Variants in CAMK2D observed in about 807,000 individuals in gnomAD.
CAMK2D encodes the protein calcium/calmodulin-dependent protein kinase type II subunit delta.
A neutral mutation model predicts 84.0 loss-of-function variants in CAMK2D; 37 were observed. That is an observed-to-expected ratio of 0.44 (90% confidence interval 0.34 to 0.58). The LOEUF (loss-of-function observed/expected upper bound fraction) is 0.58, where lower values mean the gene tolerates loss of function less well. Ranked by LOEUF, CAMK2D falls within the 20% of genes least tolerant of loss-of-function variation. The pLI is 0.02. For missense variants in CAMK2D, 448 were observed against 652.5 expected (o/e 0.69, Z 3.41); for synonymous variants, 202 against 212.5 (o/e 0.95, Z 0.43).
intron 4 of CAMK2D, among the ~76,000 whole-genome samples, chr4:113,587,088 C>T (rs748899526): frequency 6.6e-6 from 1 of 152,104 alleles, no homozygotes; most frequent in African/African-American, 2.4e-5. Context: ...CAGTGTCAGG[C>T]AAATCTAAGT....
chr4:113,570,710 G>A (rs546238490), intron 4 of CAMK2D, among the ~76,000 whole-genome samples: 16 of 152,140 alleles, frequency 1.1e-4, no homozygotes, highest in Admixed American at 7.9e-4. Context: ...AAGAAAACAC[G>A]GGGAGAAAGC....
chr4:113,697,641 GAGA>G (rs1342361820), intron 2 of CAMK2D, among the ~76,000 whole-genome samples: 1 of 152,002 alleles, frequency 6.6e-6, no homozygotes, highest in Non-Finnish European at 1.5e-5. Flanking sequence ...TGGAAAATAT[GAGA>G]AGGAGTCTTT....
chr4:113,695,716 GCCT>G (rs981548702), intron 2 of CAMK2D, among the ~76,000 whole-genome samples: 57 of 152,136 alleles, frequency 3.7e-4, no homozygotes, highest in African/African-American at 1.0e-3. Context: ...CACTTCAATA[GCCT>G]CCTAATTTAT....
chr4:113,619,990 C>T lies in CAMK2D; in HGVS notation c.221-10784G>A, dbSNP rs536404284. 6.8e-4 allele frequency among the ~76,000 whole-genome samples: 103 copies of T among 152,070 alleles called. 2 individuals carry two copies. In the South Asian group the frequency reaches 0.02, roughly 30 times the overall value. On this transcript the variant is annotated intron_variant, in intron 3 of 20. Transcript: ENST00000511664. Reference sequence around the variant, plus strand: ...GATGGCAGAAGTGGAAAGGAGAGAACGTAGTAAGTCAGTTACTATATAATA... The same window carrying T: ...GATGGCAGAAGTGGAAAGGAGAGAATGTAGTAAGTCAGTTACTATATAATA...
intron 3 of CAMK2D, among the ~76,000 whole-genome samples, chr4:113,660,556 A>G (rs1453705904): frequency 1.3e-5 from 2 of 151,902 alleles, no homozygotes; most frequent in South Asian, 4.2e-4. Flanking sequence ...CATCCAGCTA[A>G]TTTTTTTAAT....
chr4:113,561,970 G>A (rs941279201), intron 4 of CAMK2D, among the ~76,000 whole-genome samples: 1 of 152,124 alleles, frequency 6.6e-6, no homozygotes, highest in African/African-American at 2.4e-5. Context: ...TATTGTATGT[G>A]TGCCTGCATA....
At chr4:113,603,592 A>G (rs2098963225) in intron 4 of CAMK2D, among the ~76,000 whole-genome samples, 1 of 150,978 alleles carries the variant, frequency 6.6e-6, no homozygotes, top group South Asian at 2.1e-4. Context: ...AGCCTTTCCC[A>G]TTCATTCCTG....
intron 4 of CAMK2D, among the ~76,000 whole-genome samples, chr4:113,557,774 A>G (rs1409881092): frequency 6.6e-6 from 1 of 152,104 alleles, no homozygotes; most frequent in Admixed American, 6.6e-5. Flanking sequence ...TAGCTCCCCA[A>G]AATTCCCCTG....
intron 2 of CAMK2D, among the ~76,000 whole-genome samples, chr4:113,694,828 C>T (rs971808887): frequency 1.3e-5 from 2 of 152,128 alleles, no homozygotes; most frequent in Non-Finnish European, 2.9e-5. Context: ...CTACGTGAGA[C>T]CAGGCTTTCT....
In CAMK2D at chr4:113,500,500, C is replaced by A. The variant is rs1305019887; in HGVS notation, c.1098G>T (p.Glu366Asp). The A allele has an allele frequency of 6.3e-7, 1 of 1,598,488 alleles. No homozygotes were observed. The highest frequency in any genetic ancestry group is 8.6e-7 in the Non-Finnish European group (1 of 1,168,822). Residue 366 changes from glutamate (E) to aspartate (D), a missense_variant, in exon 16 of 21, where the codon GAG (glutamate) becomes GAT (aspartate). Physicochemically the swap from Glu to Asp is conservative, Grantham distance 45 (BLOSUM62 2). Coordinates refer to ENST00000511664, the MANE Select transcript of CAMK2D (RefSeq NM_001321571.2). ...HNPDGNKEST[E>D]SSNTTIEDED... is the part of the protein sequence containing the mutation. ...CATCCTCAATTGTTGTATTTGAACT[C>A]TCAGTTGACTCCTGATGAGAAGAAA...
intron 2 of CAMK2D, among the ~76,000 whole-genome samples, chr4:113,682,131 A>G (rs1475544076): frequency 6.6e-6 from 1 of 152,186 alleles, no homozygotes; most frequent in Non-Finnish European, 1.5e-5. Flanking sequence ...AACTGCAAGA[A>G]TTAAATCAGA....
Position 113,693,789 on chromosome 4 carries a change from ATTGT to A in CAMK2D, c.161-32021_161-32018del, listed in dbSNP as rs548073497. On this transcript the variant is annotated intron_variant, in intron 2 of 20. Coordinates refer to ENST00000511664, the MANE Select transcript of CAMK2D (RefSeq NM_001321571.2). ...AATGCTTTCATTTGTCTAGATTAAAATTGTTTGGAGATTACTGAAAGGTAATTTT... is the reference window on the plus strand; with the variant it reads ...AATGCTTTCATTTGTCTAGATTAAAATTGGAGATTACTGAAAGGTAATTTT... Among the ~76,000 whole-genome samples, 80 of 152,298 alleles carry A rather than the reference ATTGT, an allele frequency of 5.3e-4. No homozygotes were observed. The South Asian group carries it at 0.013, about 24-fold the overall frequency.
intron 3 of CAMK2D, among the ~76,000 whole-genome samples, chr4:113,628,284 C>T (rs2099075866): frequency 6.6e-6 from 1 of 152,000 alleles, no homozygotes; most frequent in Non-Finnish European, 1.5e-5. Context: ...GCAAATTACA[C>T]TACAGTTTAT....
chr4:113,693,046 T>C (rs904174408), intron 2 of CAMK2D, among the ~76,000 whole-genome samples: 5 of 152,178 alleles, frequency 3.3e-5, no homozygotes, highest in Admixed American at 6.5e-5. Flanking sequence ...CTACAGGAGA[T>C]GTAAAAAATA....
At chr4:113,646,572 G>C (rs1259074503) in intron 3 of CAMK2D, among the ~76,000 whole-genome samples, 1 of 152,200 alleles carries the variant, frequency 6.6e-6, no homozygotes, top group Non-Finnish European at 1.5e-5. Context: ...ATGCCTCCTT[G>C]CTGTATCCTC....
chr4:113,738,893 T>C lies in CAMK2D; in HGVS notation c.160+20427A>G, dbSNP rs554067101. ...ATATTTACTAACTCACTTGGAAATA[T>C]ACATCAAATTTTAAATATATACAAA... On this transcript the variant is annotated intron_variant, in intron 2 of 20. Coordinates refer to ENST00000511664, the MANE Select transcript of CAMK2D (RefSeq NM_001321571.2). Among the ~76,000 whole-genome samples, 108 of 152,220 alleles carry C rather than the reference T, an allele frequency of 7.1e-4. 3 individuals carry two copies. The highest frequency in any genetic ancestry group is 6.3e-4 in the Non-Finnish European group (43 of 67,966).
At chr4:113,713,496 GATAACAATATTATATATAGT>G (rs1417069074) in intron 2 of CAMK2D, among the ~76,000 whole-genome samples, 2 of 147,876 alleles carry the variant, frequency 1.4e-5, no homozygotes, top group Non-Finnish European at 1.5e-5. Flanking sequence ...TATATAATAT[GATAACAATATTATATATAGT>G]ATAACAATAT....
At chr4:113,516,474 G>A (rs1172775276) in intron 9 of CAMK2D, among the ~76,000 whole-genome samples, 1 of 152,162 alleles carries the variant, frequency 6.6e-6, no homozygotes, top group East Asian at 1.9e-4. Context: ...TGCCCAGAGA[G>A]GGGCTGGTTC....
intron 2 of CAMK2D, among the ~76,000 whole-genome samples, chr4:113,748,753 C>T (rs779082491): frequency 2.6e-5 from 4 of 151,920 alleles, no homozygotes; most frequent in Admixed American, 6.6e-5. Flanking sequence ...GTTAACAGTG[C>T]TTGTTTGGGG....
Sources: gnomAD v4.1 joint callset for allele counts (sites outside exome capture counted in the v4.1 genomes callset) on GRCh38, gnomAD v4.1.1 for gene constraint, MANE v1.5 for transcripts, NCBI Gene and HGNC (gene_info 2026-07-23, HGNC 2026-07-21) for gene names.